SLC26A2: variants seen among roughly 807,000 people sequenced by gnomAD.
The protein encoded by SLC26A2 is sulfate transporter.
In SLC26A2, 36 loss-of-function variants were observed where a neutral mutation model predicts 41.1. The observed-to-expected ratio is 0.88, with a 90% confidence interval of 0.67 to 1.16. The LOEUF (loss-of-function observed/expected upper bound fraction) is 1.16, where lower values mean the gene tolerates loss of function less well. Ranked by LOEUF, SLC26A2 falls within the 50% of genes most tolerant of loss-of-function variation. The pLI, the probability that SLC26A2 is intolerant of heterozygous loss-of-function variation, is 0.00. For missense variants in SLC26A2, 796 were observed against 869.6 expected (o/e 0.92, Z 1.07); for synonymous variants, 291 against 311.6 (o/e 0.93, Z 0.70).
At chr5:149,970,550 A>C (rs1027642533) in intron 1 of SLC26A2, among the ~76,000 whole-genome samples, 2 of 152,150 alleles carry the variant, frequency 1.3e-5, no homozygotes, top group African/African-American at 4.8e-5. Flanking sequence ...AAGGATGAGA[A>C]CATACCTGTA....
chr5:149,980,266 T>A, intron 2 of SLC26A2, 27 bp from the exon 3 acceptor site: 1 of 1,580,886 alleles, frequency 6.3e-7, no homozygotes, highest in South Asian at 1.1e-5. Context: ...CCATTTATAT[T>A]TAACACTTCT....
chr5:149,964,904 T>G (rs1475039386), intron 1 of SLC26A2, among the ~76,000 whole-genome samples: 1 of 152,236 alleles, frequency 6.6e-6, no homozygotes, highest in Non-Finnish European at 1.5e-5. Flanking sequence ...ATAAAAATTT[T>G]TTTTAAATGT....
intron 1 of SLC26A2, among the ~76,000 whole-genome samples, chr5:149,976,851 G>A (rs986759666): frequency 6.6e-6 from 1 of 152,206 alleles, no homozygotes; most frequent in African/African-American, 2.4e-5. Context: ...AATCTTGCAT[G>A]AATGTAGGCC....
At position 149,980,828 on chromosome 5, in the gene SLC26A2, T is replaced by C; in HGVS notation, c.1235T>C (p.Val412Ala). The stretch of plus-strand genomic sequence containing the variant: ...TTTGCCAAGAAACATGGTTACACAG[T>C]CAAAGCAAACCAGGAAATGTATGCC... ...EMFAKKHGYT[V>A]KANQEMYAIG... The change falls in exon 3 of 3, where the codon GTC becomes GCC. Residue 412 changes from valine (V) to alanine (A), a missense_variant. By Grantham distance (64) the Val-to-Ala change is moderately conservative. Coordinates refer to ENST00000286298, the MANE Select transcript of SLC26A2 (RefSeq NM_000112.4). The C allele has an allele frequency of 6.2e-7, 1 of 1,614,150 alleles. No individual in the cohort carries two copies. Among genetic ancestry groups the C allele is most frequent in the Non-Finnish European group, 8.5e-7 (1 of 1,180,016 alleles).
chr5:149,975,618 C>T (rs1198030672), intron 1 of SLC26A2, among the ~76,000 whole-genome samples: 1 of 152,204 alleles, frequency 6.6e-6, no homozygotes, highest in Admixed American at 6.5e-5. Context: ...GATTGATTTT[C>T]TCAGGGTCAG....
At chr5:149,971,968 C>T (rs1754912901) in intron 1 of SLC26A2, among the ~76,000 whole-genome samples, 2 of 152,180 alleles carry the variant, frequency 1.3e-5, no homozygotes, top group Non-Finnish European at 2.9e-5. Flanking sequence ...AAGCTCCTCC[C>T]ACTAATCCCC....
chr5:149,977,793 A>G lies in SLC26A2; in HGVS notation c.141A>G (p.Gln47=), dbSNP rs1194896006. ...TDFKQFETND[Q]CRPYHRILIE... is the part of the protein sequence containing the mutation. ...TCAAGCAATTTGAGACCAATGATCA[A>G]TGCAGACCTTATCATAGGATCCTTA... The change falls in exon 2 of 3, where the codon CAA becomes CAG. Residue 47 remains glutamine (Q), a synonymous_variant. Transcript: ENST00000286298. The G allele has an allele frequency of 2.5e-6, 4 of 1,614,070 alleles. No individual in the cohort carries two copies. Among genetic ancestry groups the G allele is most frequent in the Admixed American group, 1.7e-5 (1 of 60,028 alleles).
chr5:149,974,570 G>A (rs1469600797), intron 1 of SLC26A2, among the ~76,000 whole-genome samples: 3 of 151,482 alleles, frequency 2.0e-5, no homozygotes, highest in South Asian at 2.1e-4. Context: ...CTACAGGAGC[G>A]CACCACCATG....
At position 149,983,066 on chromosome 5, in the gene SLC26A2, A is replaced by G. The variant is rs1229699670; in HGVS notation, c.*1253A>G. The G allele has an allele frequency of 6.6e-6, 1 of 152,068 alleles. No homozygotes were observed. Among genetic ancestry groups the G allele is most frequent in the Non-Finnish European group, 1.5e-5 (1 of 68,010 alleles). 9.4% of individuals were successfully genotyped at this position (152,068 alleles called of 1,614,324 possible). ...TGCAAAAGTACAAAATCATTTTTCA[A>G]TCTGTTCCCAGTTTCTAAACAATTT... On this transcript the variant is annotated 3_prime_UTR_variant, in exon 3 of 3. Coordinates refer to ENST00000286298, the MANE Select transcript of SLC26A2 (RefSeq NM_000112.4).
At position 149,966,031 on chromosome 5, in the gene SLC26A2, A is replaced by G. The variant is rs182374270; in HGVS notation, c.-26+5052A>G. On this transcript the variant is annotated intron_variant, in intron 1 of 2. Transcript: ENST00000286298. ...GTGATTCTTGTGCCTCAGCCTCCCA[A>G]GTAGCAGGGATTATAGGCATGTGCT... 4.6e-5 allele frequency among the ~76,000 whole-genome samples: 7 copies of G among 152,280 alleles called. No homozygotes were observed. The East Asian group carries it at 1.3e-3, about 29-fold the overall frequency.
At position 149,980,302 on chromosome 5, in the gene SLC26A2, G is replaced by A. The variant is rs758186195; in HGVS notation, c.709G>A (p.Gly237Ser). 8 of 1,613,640 alleles carry A rather than the reference G, an allele frequency of 5.0e-6. No homozygotes were observed. The East Asian group carries it at 1.3e-4, about 27-fold the overall frequency. Residue 237 changes from glycine (G) to serine (S), a missense_variant, in exon 3 of 3, where the codon GGC becomes AGC. Transcript: ENST00000286298. ...FIAGVYQVAM[G>S]FFQVGFVSVY... ...ATATCCTTCCTTCCAGGTAGCGATG[G>A]GCTTCTTTCAAGTGGGTTTTGTTTC...
chr5:149,973,438 ACTGT>A (rs1754937677), intron 1 of SLC26A2, among the ~76,000 whole-genome samples: 1 of 150,496 alleles, frequency 6.6e-6, no homozygotes, highest in Non-Finnish European at 1.5e-5. Flanking sequence ...CCTTCCTGAA[ACTGT>A]CTCTCTCTCT....
intron 1 of SLC26A2, among the ~76,000 whole-genome samples, chr5:149,964,177 G>A (rs1181759611): frequency 6.6e-6 from 1 of 152,146 alleles, no homozygotes; most frequent in Non-Finnish European, 1.5e-5. Context: ...TTTTGAAGAA[G>A]AGGCATAGTG....
chr5:149,971,731 A>G (rs1481597225), intron 1 of SLC26A2, among the ~76,000 whole-genome samples: 2 of 152,166 alleles, frequency 1.3e-5, no homozygotes, highest in African/African-American at 2.4e-5. Flanking sequence ...ACCTTCAACT[A>G]TTTTTTATCT....
At chr5:149,976,522 A>G (rs145099570) in intron 1 of SLC26A2, among the ~76,000 whole-genome samples, 1 of 152,366 alleles carries the variant, frequency 6.6e-6, no homozygotes, top group African/African-American at 2.4e-5. Context: ...TAAGCTAAGT[A>G]AACAGCTTAT....
chr5:149,963,211 G>A (rs1010002054), intron 1 of SLC26A2, among the ~76,000 whole-genome samples: 4 of 152,086 alleles, frequency 2.6e-5, no homozygotes, highest in Admixed American at 2.0e-4. Flanking sequence ...CTGGGTTCAA[G>A]TGATTCTCCT....
At chr5:149,974,458 T>C (rs1455314570) in intron 1 of SLC26A2, among the ~76,000 whole-genome samples, 1 of 151,508 alleles carries the variant, frequency 6.6e-6, no homozygotes, top group African/African-American at 2.4e-5. Flanking sequence ...GAGTTTTGCT[T>C]TGTCACCATG....
At chr5:149,967,374 A>G (rs1469862133) in intron 1 of SLC26A2, among the ~76,000 whole-genome samples, 1 of 152,106 alleles carries the variant, frequency 6.6e-6, no homozygotes, top group Non-Finnish European at 1.5e-5. Context: ...AAATCTCCTC[A>G]TGCCCCTTTG....
intron 1 of SLC26A2, among the ~76,000 whole-genome samples, chr5:149,974,722 C>CTT (rs11440508): frequency 0.024 from 2,452 of 100,812 alleles, 205 homozygotes; most frequent in African/African-American, 0.081. Context: ...TGCACCCGGC[C>CTT]TTTTTTTTTT....
Sources: allele counts gnomAD v4.1 joint callset (sites outside exome capture counted in the v4.1 genomes callset), GRCh38; gene constraint gnomAD v4.1.1; transcripts MANE v1.5; gene names NCBI Gene and HGNC (gene_info 2026-07-23, HGNC 2026-07-21).